The following KRT13 variants were observed in gnomAD, a reference collection of about 807,000 sequenced individuals.
KRT13 encodes the protein keratin 13.
A neutral mutation model predicts 40.6 loss-of-function variants in KRT13; 27 were observed. The ratio of observed to expected loss-of-function variants is 0.67; its 90% CI spans 0.49 to 0.92. The LOEUF (loss-of-function observed/expected upper bound fraction) is 0.92. Ranked by LOEUF, KRT13 falls within the 40% of genes least tolerant of loss-of-function variation. The pLI is 0.00. For synonymous variants in KRT13, 266 were observed against 240.3 expected (o/e 1.11, Z -0.99); for missense variants, 605 against 611.5 (o/e 0.99, Z 0.11).
At position 41,501,341 on chromosome 17, in the gene KRT13, G is replaced by T; in HGVS notation, c.1292C>A (p.Thr431Asn). The T allele has an allele frequency of 6.4e-7, 1 of 1,569,212 alleles. No homozygotes were observed. The highest frequency in any genetic ancestry group is 8.6e-7 in the Non-Finnish European group (1 of 1,156,488). Residue 431 changes from threonine (T) to asparagine (N), a missense_variant, in exon 8 of 8, where the codon ACC becomes AAC. Thr to Asn is a moderately conservative substitution (Grantham distance 65, BLOSUM62 0). Coordinates refer to ENST00000246635, the MANE Select transcript of KRT13 (RefSeq NM_153490.3). The part of the protein sequence containing the change: ...SSAGSVSPRS[T>N]SVTTTSSASV... ...GGCACTAGAAGTCGTGGTAACAGAG[G>T]TGCTACGGGGGCTGACGCTTCCTGG...
chr17:41,504,308 T>G (rs1257418549), intron 1 of KRT13: 2 of 159,736 alleles, frequency 1.3e-5, no homozygotes, highest in Non-Finnish European at 2.8e-5. Flanking sequence ...TGTCTTGAGA[T>G]CCATCCCCTG....
At chr17:41,502,328 G>A (rs548989486) in intron 6 of KRT13, 46 bp downstream of exon 6, 46 of 1,613,140 alleles carry the variant, frequency 2.9e-5, no homozygotes, top group African/African-American at 6.7e-5. Flanking sequence ...TGACACCCAC[G>A]GGTCCTGCAG....
Position 41,503,018 on chromosome 17 carries a change from G to C in KRT13, c.816C>G (p.Arg272=). 1 of 1,614,184 alleles carries C rather than the reference G, an allele frequency of 6.2e-7. No individual in the cohort carries two copies. Among genetic ancestry groups the C allele is most frequent in the South Asian group, 1.1e-5 (1 of 91,082 alleles). Residue 272 remains arginine (R), a synonymous_variant, in exon 4 of 8, where the codon CGC becomes CGG. Coordinates refer to ENST00000246635, the MANE Select transcript of KRT13 (RefSeq NM_153490.3). ...MDATPGIDLT[R]VLAEMREQYE... ...ACTGCTCCCTCATCTCTGCCAGCAC[G>C]CGGGTCAGGTCAATGCCTGGGGTGG... is the stretch of plus-strand genomic sequence containing the variant.
chr17:41,501,777 A>T (rs1179252405), intron 6 of KRT13, 33 bp from the exon 7 acceptor site: 1 of 1,587,028 alleles, frequency 6.3e-7, no homozygotes, highest in African/African-American at 1.3e-5. Flanking sequence ...CCATGAGCAG[A>T]GGGTAACTGA....
At chr17:41,503,856 C>T in intron 1 of KRT13, 131 bp from the exon 2 acceptor site, 1 of 740,834 alleles carries the variant, frequency 1.3e-6, no homozygotes. Context: ...AGCTGATGGG[C>T]TAAAAAGAAA....
rs777493765 is a variant in KRT13, at chr17:41,501,380, A to G, written c.1271-18T>C. ...GACGCTTCCTGGGAAACAAGAGACA[A>G]GACATGCTCAGGCTGGAGAAGACCC... On this transcript the variant is annotated intron_variant, in intron 7 of 7. Transcript: ENST00000246635. 1.0e-5 allele frequency: 16 copies of G among 1,538,738 alleles called. No individual in the cohort carries two copies. The highest frequency in any genetic ancestry group is 1.3e-5 in the Non-Finnish European group (15 of 1,134,534).
chr17:41,504,623 G>A (rs1256963860), intron 1 of KRT13: 3 of 187,022 alleles, frequency 1.6e-5, no homozygotes, highest in Non-Finnish European at 3.4e-5. Flanking sequence ...ATCGCCAGTT[G>A]AGAATACCAG....
intron 6 of KRT13, 144 bp from the exon 7 acceptor site, chr17:41,501,888 G>T (rs945801052): frequency 1.2e-5 from 18 of 1,528,652 alleles, no homozygotes; most frequent in Non-Finnish European, 1.6e-5. Context: ...CCAGCTCAAG[G>T]GACAGCAGCA....
At position 41,505,414 on chromosome 17, in the gene KRT13, C is replaced by T. The variant is rs1333018498; in HGVS notation, c.137G>A (p.Gly46Glu). ...ACCAAAACCACAGCTCACGCCGCCT[C>T]CATAGCCCCCAGCTGATCCCCCGGA... is the stretch of plus-strand genomic sequence containing the variant. ...FVSGGSAGGY[G>E]GGVSCGFGGG... The change falls in exon 1 of 8, where the codon GGA becomes GAA. Residue 46 changes from glycine to glutamate, a missense_variant. Gly to Glu is a moderately conservative substitution (Grantham distance 98). Transcript: ENST00000246635. The T allele has an allele frequency of 1.9e-6, 3 of 1,613,624 alleles. No individual in the cohort carries two copies. The highest frequency in any genetic ancestry group is 4.5e-5 in the East Asian group (2 of 44,864).
At position 41,502,943 on chromosome 17, in the gene KRT13, G is replaced by T. The variant is rs146891290; in HGVS notation, c.891C>A (p.His297Gln). Residue 297 changes from histidine to glutamine, a missense_variant, in exon 4 of 8, where the codon CAC becomes CAA. By Grantham distance (24) the His-to-Gln change is conservative. Transcript: ENST00000246635. ...GGGTGGGAGGGCCGGGTACCTTGGT[G>T]TGGAACCATTCCTCAGCATCCCGGC... ...RNRRDAEEWF[H>Q]TKSAELNKEV... 34 of 1,614,068 alleles carry T rather than the reference G, an allele frequency of 2.1e-5. No individual in the cohort carries two copies. The African/African-American group carries it at 3.6e-4, about 17-fold the overall frequency.
chr17:41,502,107 G>C (rs1904871084), intron 6 of KRT13: 1 of 1,424,946 alleles, frequency 7.0e-7, no homozygotes, highest in African/African-American at 1.4e-5. Context: ...TAATAGCTTT[G>C]TTCAGCTGAG....
chr17:41,503,356 C>A lies in KRT13; in HGVS notation c.666G>T (p.Lys222Asn). Reference protein sequence around the residue: ...RRVLDELTLSKTDLEMQIESL... With the variant: ...RRVLDELTLSNTDLEMQIESL... ...TCTCGATCTGCATCTCCAGGTCAGT[C>A]TTAGACAGAGTGAGCTCATCCAGCA... The change falls in exon 3 of 8, where the codon AAG becomes AAT. Residue 222 changes from lysine (K) to asparagine (N), a missense_variant. Coordinates refer to ENST00000246635, the MANE Select transcript of KRT13 (RefSeq NM_153490.3). 6.2e-7 allele frequency: 1 copy of A among 1,614,278 alleles called. No individual in the cohort carries two copies. The highest frequency in any genetic ancestry group is 8.5e-7 in the Non-Finnish European group (1 of 1,180,052).
Position 41,502,454 on chromosome 17 carries a change from G to A in KRT13, c.1164C>T (p.Tyr388=), listed in dbSNP as rs1288339575. The change falls in exon 6 of 8, where the codon TAC becomes TAT. Residue 388 remains tyrosine (Y), a synonymous_variant. Transcript: ENST00000246635. The part of the protein sequence containing the change: ...RSEMECQNQE[Y]KMLLDIKTRL... Reference sequence around the variant, plus strand: ...GTGTCTTGATGTCCAGCAGCATCTTGTACTCTTGGTTCTGGCACTCCATCT... The same window carrying A: ...GTGTCTTGATGTCCAGCAGCATCTTATACTCTTGGTTCTGGCACTCCATCT... 2 of 1,614,258 alleles carry A rather than the reference G, an allele frequency of 1.2e-6. No individual in the cohort carries two copies. The highest frequency in any genetic ancestry group is 2.2e-5 in the East Asian group (1 of 44,890).
chr17:41,502,760 C>A lies in KRT13; in HGVS notation c.950G>T (p.Ser317Ile). 2 of 1,614,212 alleles carry A rather than the reference C, an allele frequency of 1.2e-6. No homozygotes were observed. The highest frequency in any genetic ancestry group is 1.7e-6 in the Non-Finnish European group (2 of 1,180,046). The stretch of plus-strand genomic sequence containing the variant: ...CCTGAGCTCCGTGATCTCTGTCTTG[C>A]TGGTCTGAATCATGGCAGTGTTGGT... ...VSTNTAMIQT[S>I]KTEITELRRT... The change falls in exon 5 of 8, where the codon AGC (serine) becomes ATC (isoleucine). Residue 317 changes from serine (S) to isoleucine (I), a missense_variant. Coordinates refer to ENST00000246635, the MANE Select transcript of KRT13 (RefSeq NM_153490.3).
chr17:41,504,715 C>A lies in KRT13; in HGVS notation c.495+341G>T, dbSNP rs1904998284. 2.2e-5 allele frequency: 6 copies of A among 269,496 alleles called. No individual in the cohort carries two copies. In the South Asian group the frequency reaches 3.7e-4, roughly 17 times the overall value. 16.7% of individuals were successfully genotyped at this position (269,496 alleles called of 1,614,324 possible). On this transcript the variant is annotated intron_variant, in intron 1 of 7. Coordinates refer to ENST00000246635, the MANE Select transcript of KRT13 (RefSeq NM_153490.3). ...TCTCTCTTTCTCTGTTGATTTCATG[C>A]ATTCTTAATGGCTTTTAAACCTGTC...
intron 1 of KRT13, 26 bp downstream of exon 1, chr17:41,505,030 C>T (rs905119082): frequency 6.2e-7 from 1 of 1,613,608 alleles, no homozygotes; most frequent in Non-Finnish European, 8.5e-7. Flanking sequence ...TCATGGAGGA[C>T]CCCTCCTCAG....
rs764516338 is a variant in KRT13, at chr17:41,501,461, G to A, written c.1271-99C>T. ...GGCTCACAAACTCCTCATTAGTCAG[G>A]TGGTGCGTGGATGGAGACTCTTTAT... On this transcript the variant is annotated intron_variant, in intron 7 of 7. Transcript: ENST00000246635. The A allele has an allele frequency of 1.2e-5, 13 of 1,110,706 alleles. No individual in the cohort carries two copies. The East Asian group carries it at 2.3e-4, about 20-fold the overall frequency. 68.8% of individuals were successfully genotyped at this position (1,110,706 alleles called of 1,614,324 possible). A position where few individuals can be genotyped will look rare whatever the true frequency, so the allele number is the denominator to read the frequency against.
At position 41,501,711 on chromosome 17, in the gene KRT13, T is replaced by A; in HGVS notation, c.1270+8A>T. 1 of 1,583,804 alleles carries A rather than the reference T, an allele frequency of 6.3e-7. No homozygotes were observed. The highest frequency in any genetic ancestry group is 8.6e-7 in the Non-Finnish European group (1 of 1,164,234). ...GCCTCCCCCTACACCACGGGGCTGT[T>A]CCCTTACCTGCTGAGGAAGGGAAAC... On this transcript the variant is annotated splice_region_variant and intron_variant, in intron 7 of 7. Coordinates refer to ENST00000246635, the MANE Select transcript of KRT13 (RefSeq NM_153490.3).
rs1274429625 is a variant in KRT13 at position 41,503,454 on chromosome 17, A to G, written c.579-11T>C. On this transcript the variant is annotated splice_polypyrimidine_tract_variant and intron_variant, in intron 2 of 7. Transcript: ENST00000246635. ...AGCTCATTCTCATACCTAAAATAGTAAAAAAATGAAATGTTTTTTGAAAAA... is the reference window on the plus strand; with the variant it reads ...AGCTCATTCTCATACCTAAAATAGTGAAAAAATGAAATGTTTTTTGAAAAA... The G allele has an allele frequency of 6.2e-7, 1 of 1,613,796 alleles. No individual in the cohort carries two copies. Among genetic ancestry groups the G allele is most frequent in the East Asian group, 2.2e-5 (1 of 44,890 alleles).
Sources: gnomAD v4.1 joint callset for allele counts on GRCh38, gnomAD v4.1.1 for gene constraint, MANE v1.5 for transcripts, NCBI Gene and HGNC (gene_info 2026-07-23, HGNC 2026-07-21) for gene names.